CTNNA3: variants seen among roughly 807,000 people sequenced by gnomAD.
CTNNA3 encodes the protein catenin alpha 3.
A neutral mutation model predicts 95.7 loss-of-function variants in CTNNA3; 76 were observed. The observed-to-expected ratio is 0.79, with a 90% CI of 0.66 to 0.96. The LOEUF (loss-of-function observed/expected upper bound fraction) is 0.96. CTNNA3 is among the 40% of genes least tolerant of loss of function. The pLI, the probability that CTNNA3 is intolerant of heterozygous loss-of-function variation, is 0.00. For missense variants in CTNNA3, 1,191 were observed against 1,089.8 expected, an observed-to-expected ratio of 1.09 and a Z score of -1.31; for synonymous variants, 431 against 374.4, an observed-to-expected ratio of 1.15 and a Z score of -1.74.
At chr10:67,111,811 T>C (rs1285801350) in intron 7 of CTNNA3, among the ~76,000 whole-genome samples, 1 of 152,128 alleles carries the variant, frequency 6.6e-6, no homozygotes, top group East Asian at 1.9e-4. Context: ...AAAGTATCCA[T>C]CTAATTTACC....
chr10:67,583,311 C>T (rs1842483007), intron 3 of CTNNA3, among the ~76,000 whole-genome samples: 1 of 152,164 alleles, frequency 6.6e-6, no homozygotes, highest in East Asian at 1.9e-4. Context: ...TTCTCCTTCA[C>T]TTATGAAGCT....
At chr10:66,992,560 A>G (rs1379354398) in intron 7 of CTNNA3, among the ~76,000 whole-genome samples, 1 of 152,054 alleles carries the variant, frequency 6.6e-6, no homozygotes, top group African/African-American at 2.4e-5. Context: ...GGCAACAGAA[A>G]TTTAAATTCT....
intron 15 of CTNNA3, among the ~76,000 whole-genome samples, chr10:66,065,238 TTG>T (rs72036858): frequency 0.23 from 34,092 of 147,524 alleles, 3,781 homozygotes; most frequent in African/African-American, 0.25. Context: ...TGGTTTTTTT[TTG>T]TTTTGTTTTG....
intron 5 of CTNNA3, among the ~76,000 whole-genome samples, chr10:67,485,350 AG>A (rs1848403346): frequency 6.6e-6 from 1 of 152,142 alleles, no homozygotes. Flanking sequence ...TAGAGGTTAG[AG>A]GAAGAAGAGG....
intron 7 of CTNNA3, among the ~76,000 whole-genome samples, chr10:67,078,930 T>C (rs2131872055): frequency 6.6e-6 from 1 of 152,366 alleles, no homozygotes; most frequent in South Asian, 2.1e-4. Context: ...TGCAATGCAG[T>C]AGACCACTTC....
At chr10:66,096,634 C>T (rs1162550658) in intron 14 of CTNNA3, among the ~76,000 whole-genome samples, 2 of 151,566 alleles carry the variant, frequency 1.3e-5, no homozygotes, top group African/African-American at 4.9e-5. Context: ...AGCAATCCTC[C>T]CACCTTACCC....
intron 10 of CTNNA3, among the ~76,000 whole-genome samples, chr10:66,612,623 G>A (rs1398346086): frequency 6.6e-6 from 1 of 152,046 alleles, no homozygotes; most frequent in African/African-American, 2.4e-5. Flanking sequence ...CCCCAGAAAA[G>A]GTTGATCCCC....
At chr10:66,923,515 G>C (rs1488347947) in intron 7 of CTNNA3, among the ~76,000 whole-genome samples, 3 of 152,170 alleles carry the variant, frequency 2.0e-5, no homozygotes. Context: ...GTCTGTTTTT[G>C]AGAGATACAA....
At chr10:66,455,417 A>G (rs543809669) in intron 11 of CTNNA3, among the ~76,000 whole-genome samples, 2 of 152,290 alleles carry the variant, frequency 1.3e-5, no homozygotes, top group East Asian at 3.9e-4. Flanking sequence ...ATAGTGAGGT[A>G]GGAGACCAGC....
chr10:67,599,451 G>T lies in CTNNA3; in HGVS notation c.292+7406C>A, dbSNP rs551674739. On this transcript the variant is annotated intron_variant, in intron 3 of 17. Transcript: ENST00000433211. ...AACCCAGTTGTAGTCAGCAAATAAA[G>T]GGTGTAATGCAACTATCATAAATAG... 2.0e-5 allele frequency among the ~76,000 whole-genome samples: 3 copies of T among 152,168 alleles called. No individual in the cohort carries two copies. In the South Asian group the frequency reaches 6.2e-4, roughly 32 times the overall value.
intron 11 of CTNNA3, among the ~76,000 whole-genome samples, chr10:66,383,458 AT>A (rs1285835177): frequency 6.6e-6 from 1 of 152,228 alleles, no homozygotes; most frequent in Non-Finnish European, 1.5e-5. Flanking sequence ...AAAAGACCAA[AT>A]CTATGTTTGA....
At chr10:66,737,343 G>A (rs1849177746) in intron 9 of CTNNA3, among the ~76,000 whole-genome samples, 1 of 152,016 alleles carries the variant, frequency 6.6e-6, no homozygotes, top group Admixed American at 6.6e-5. Flanking sequence ...TGTTGCAAAA[G>A]TTTTTAAAAA....
chr10:67,244,207 C>G (rs1011355713), intron 5 of CTNNA3, among the ~76,000 whole-genome samples: 4 of 152,196 alleles, frequency 2.6e-5, no homozygotes, highest in African/African-American at 9.6e-5. Flanking sequence ...GTTTTCTGGT[C>G]TAAGCCTCTT....
chr10:67,235,753 G>T (rs1460129920), intron 5 of CTNNA3, among the ~76,000 whole-genome samples: 7 of 144,110 alleles, frequency 4.9e-5, no homozygotes, highest in Admixed American at 4.8e-4. Context: ...GAAAATTTTT[G>T]CAATCTACTC....
chr10:66,572,812 C>G (rs550716767), intron 10 of CTNNA3, among the ~76,000 whole-genome samples: 1 of 152,290 alleles, frequency 6.6e-6, no homozygotes, highest in South Asian at 2.1e-4. Context: ...TGCTGTGTGA[C>G]TCAGGACACA....
intron 7 of CTNNA3, among the ~76,000 whole-genome samples, chr10:66,845,432 G>A (rs1019793148): frequency 1.3e-5 from 2 of 152,034 alleles, no homozygotes; most frequent in Non-Finnish European, 2.9e-5. Flanking sequence ...GGCTGGGTGC[G>A]GTGGCTCACG....
intron 10 of CTNNA3, among the ~76,000 whole-genome samples, chr10:66,614,064 T>C (rs1010214490): frequency 2.6e-5 from 4 of 152,122 alleles, no homozygotes; most frequent in Admixed American, 2.6e-4. Context: ...GATAGTCTAA[T>C]GCTCTTACTG....
intron 3 of CTNNA3, among the ~76,000 whole-genome samples, chr10:67,583,106 T>C (rs922892377): frequency 1.4e-4 from 22 of 152,106 alleles, no homozygotes; most frequent in African/African-American, 5.1e-4. Context: ...GCCATTATGA[T>C]GTTAGCTAGT....
Position 67,324,854 on chromosome 10 carries a change from A to G in CTNNA3, c.580-104984T>C, listed in dbSNP as rs140124257. Among the ~76,000 whole-genome samples, 518 of 152,238 alleles carry G rather than the reference A, an allele frequency of 3.4e-3. 2 individuals are homozygous for G. The highest frequency in any genetic ancestry group is 0.024 in the Middle Eastern group (7 of 294). Reference sequence around the variant, plus strand: ...CTTGTACATGTGGTAGAATTCAGCTATGAATCCACCTGGTTCTTGGCTTTT... The same window carrying G: ...CTTGTACATGTGGTAGAATTCAGCTGTGAATCCACCTGGTTCTTGGCTTTT... On this transcript the variant is annotated intron_variant, in intron 5 of 17. Transcript: ENST00000433211.
Sources: gnomAD v4.1 joint callset for allele counts (sites outside exome capture counted in the v4.1 genomes callset) on GRCh38, gnomAD v4.1.1 for gene constraint, MANE v1.5 for transcripts, NCBI Gene and HGNC (gene_info 2026-07-23, HGNC 2026-07-21) for gene names.